ADAMTS3: variants seen among roughly 807,000 people sequenced by gnomAD.
The protein encoded by ADAMTS3 is ADAM metallopeptidase with thrombospondin type 1 motif 3.
In ADAMTS3, 73 loss-of-function variants were observed where a neutral mutation model predicts 129.0. The observed-to-expected ratio is 0.57, with a 90% CI of 0.47 to 0.69. The LOEUF (loss-of-function observed/expected upper bound fraction) is 0.69, where lower values mean the gene tolerates loss of function less well. ADAMTS3 is among the 30% of genes least tolerant of loss of function. ADAMTS3 has a pLI of 0.00. For missense variants in ADAMTS3, 1,457 were observed against 1,514.5 expected (o/e 0.96, Z 0.63); for synonymous variants, 477 against 510.8 (o/e 0.93, Z 0.89).
intron 3 of ADAMTS3, among the ~76,000 whole-genome samples, chr4:72,527,955 T>G (rs1381339016): frequency 6.6e-6 from 1 of 152,116 alleles, no homozygotes; most frequent in Non-Finnish European, 1.5e-5. Flanking sequence ...ACCTACCACA[T>G]GAGATGTAGT....
At chr4:72,391,355 C>A (rs1276242024) in intron 4 of ADAMTS3, among the ~76,000 whole-genome samples, 2 of 152,032 alleles carry the variant, frequency 1.3e-5, no homozygotes, top group Middle Eastern at 3.2e-3. Flanking sequence ...TGGAGAAGAA[C>A]AGGAGGAAAA....
At chr4:72,398,448 A>G (rs995578840) in intron 4 of ADAMTS3, among the ~76,000 whole-genome samples, 1 of 152,078 alleles carries the variant, frequency 6.6e-6, no homozygotes, top group African/African-American at 2.4e-5. Flanking sequence ...AGTAACGCAC[A>G]ACTGTAATAC....
At chr4:72,310,153 C>T (rs970281602) in intron 14 of ADAMTS3, among the ~76,000 whole-genome samples, 20 of 152,066 alleles carry the variant, frequency 1.3e-4, no homozygotes, top group African/African-American at 4.8e-4. Flanking sequence ...ATTGAATAGA[C>T]TGCAGAAGAC....
At chr4:72,338,015 G>T (rs77275485) in intron 5 of ADAMTS3, among the ~76,000 whole-genome samples, 7,225 of 152,120 alleles carry the variant, frequency 0.047, 557 homozygotes, top group African/African-American at 0.16. Flanking sequence ...TCCATAGGAA[G>T]TTTGAAATTT....
chr4:72,475,930 A>T (rs1656199226), intron 3 of ADAMTS3, among the ~76,000 whole-genome samples: 1 of 152,128 alleles, frequency 6.6e-6, no homozygotes, highest in African/African-American at 2.4e-5. Flanking sequence ...ATTCAAATGA[A>T]TAAAAATACA....
chr4:72,515,662 C>CGCCCACTT lies in ADAMTS3; in HGVS notation c.504+32808_504+32815dup, dbSNP rs1219031879. Among the ~76,000 whole-genome samples, 4 of 150,946 alleles carry CGCCCACTT rather than the reference C, an allele frequency of 2.6e-5. No individual in the cohort carries two copies. The East Asian group carries it at 7.8e-4, about 29-fold the overall frequency. On this transcript the variant is annotated intron_variant, in intron 3 of 21. Transcript: ENST00000286657. Reference sequence around the variant, plus strand: ...TTGAGAAGTGTCTGTTCATGTCCTTCGCCCACTTTTTGATGGGGTTGTTTG... The same window carrying CGCCCACTT: ...TTGAGAAGTGTCTGTTCATGTCCTTCGCCCACTTGCCCACTTTTTGATGGGGTTGTTTG...
At chr4:72,547,026 G>C (rs1388606409) in intron 3 of ADAMTS3, among the ~76,000 whole-genome samples, 1 of 151,572 alleles carries the variant, frequency 6.6e-6, no homozygotes, top group Non-Finnish European at 1.5e-5. Flanking sequence ...GTACAGCAGA[G>C]GGAACCATGA....
chr4:72,531,142 C>T (rs1721031059), intron 3 of ADAMTS3, among the ~76,000 whole-genome samples: 1 of 151,704 alleles, frequency 6.6e-6, no homozygotes, highest in Non-Finnish European at 1.5e-5. Context: ...TTGTCCAAAG[C>T]TGTAACATTG....
chr4:72,459,040 C>T (rs998741555), intron 3 of ADAMTS3, among the ~76,000 whole-genome samples: 1 of 151,778 alleles, frequency 6.6e-6, no homozygotes, highest in African/African-American at 2.4e-5. Flanking sequence ...GTTCTTTTTA[C>T]TTCTGAAAAA....
intron 4 of ADAMTS3, among the ~76,000 whole-genome samples, chr4:72,406,876 G>A (rs1722065469): frequency 6.6e-6 from 1 of 152,130 alleles, no homozygotes; most frequent in African/African-American, 2.4e-5. Flanking sequence ...GTGTAAGTCT[G>A]AGCTGGCAGC....
At chr4:72,515,634 C>A (rs1329619882) in intron 3 of ADAMTS3, among the ~76,000 whole-genome samples, 1 of 151,720 alleles carries the variant, frequency 6.6e-6, no homozygotes, top group African/African-American at 2.4e-5. Flanking sequence ...TAAATGTCTT[C>A]TTTTGAGAAG....
intron 3 of ADAMTS3, among the ~76,000 whole-genome samples, chr4:72,528,908 C>T (rs1720885508): frequency 6.6e-6 from 1 of 152,028 alleles, no homozygotes. Flanking sequence ...TAGACCCATG[C>T]CCTCCCCAAC....
intron 2 of ADAMTS3, among the ~76,000 whole-genome samples, chr4:72,551,736 A>G (rs1238872664): frequency 6.6e-6 from 1 of 152,176 alleles, no homozygotes; most frequent in Non-Finnish European, 1.5e-5. Flanking sequence ...GAGAAAGCAG[A>G]CCTAGAAGAC....
Position 72,455,051 on chromosome 4 carries a change from A to G in ADAMTS3, c.505-40080T>C, listed in dbSNP as rs72852091. Among the ~76,000 whole-genome samples, 146 of 151,852 alleles carry G rather than the reference A, an allele frequency of 9.6e-4. 2 individuals are homozygous for G. The highest frequency in any genetic ancestry group is 3.2e-3 in the African/African-American group (134 of 41,528). The stretch of plus-strand genomic sequence containing the variant: ...AAACCAACAGCAGCACTACAAACAA[A>G]TGATGATGACTATATGCACATGTTT... On this transcript the variant is annotated intron_variant, in intron 3 of 21. Transcript: ENST00000286657.
intron 4 of ADAMTS3, among the ~76,000 whole-genome samples, chr4:72,358,888 C>A (rs950264088): frequency 6.6e-6 from 1 of 151,818 alleles, no homozygotes; most frequent in African/African-American, 2.4e-5. Context: ...GACTAATGTG[C>A]ATTACTAAAG....
intron 4 of ADAMTS3, among the ~76,000 whole-genome samples, chr4:72,411,854 C>G (rs1344828251): frequency 6.6e-6 from 1 of 151,976 alleles, no homozygotes; most frequent in Non-Finnish European, 1.5e-5. Context: ...TTCCCCATGC[C>G]CTCCAACATC....
rs1480501073 is a variant in ADAMTS3, at chr4:72,548,555, G to A, written c.427C>T (p.Gln143Ter). ...TCACCAACATAAGCACAGTTAGTCT[G>A]CAAAGGCTCTGTTCTCCGGATTCTA... ...TYRIRRTEPLQTNCAYVGDIV... is the reference protein window; with the variant it reads ...TYRIRRTEPL The change falls in exon 3 of 22, where the codon CAG (glutamine) becomes TAG (stop). Residue 143 changes from glutamine to a stop codon, truncating the protein, a stop_gained. Transcript: ENST00000286657. LOFTEE classifies it high-confidence loss of function. 6.2e-7 allele frequency: 1 copy of A among 1,613,942 alleles called. No individual in the cohort carries two copies.
intron 2 of ADAMTS3, among the ~76,000 whole-genome samples, chr4:72,550,162 A>G (rs1478279571): frequency 2.0e-5 from 3 of 151,126 alleles, no homozygotes; most frequent in Non-Finnish European, 4.4e-5. Context: ...AAAGTTTCCC[A>G]CTTTCACAAT....
At chr4:72,288,332 G>C (rs1323046290) in intron 21 of ADAMTS3, among the ~76,000 whole-genome samples, 3 of 152,206 alleles carry the variant, frequency 2.0e-5, no homozygotes, top group African/African-American at 7.2e-5. Context: ...TGGCTTTAGG[G>C]TTGAGTAACA....
Sources: allele counts gnomAD v4.1 joint callset (sites outside exome capture counted in the v4.1 genomes callset), GRCh38; gene constraint gnomAD v4.1.1; transcripts MANE v1.5; gene names NCBI Gene and HGNC (gene_info 2026-07-23, HGNC 2026-07-21).